Variants in RABGAP1L observed in about 807,000 individuals in gnomAD.
The protein encoded by RABGAP1L is RAB GTPase activating protein 1 like, also known as rab GTPase-activating protein 1-like.
A neutral mutation model predicts 137.7 loss-of-function variants in RABGAP1L; 63 were observed. That is an observed-to-expected ratio of 0.46 (90% confidence interval 0.37 to 0.56). The LOEUF is 0.56. RABGAP1L is among the 20% of genes least tolerant of loss of function. The pLI is 0.00. For synonymous variants in RABGAP1L, 431 were observed against 433.7 expected (o/e 0.99, Z 0.08); for missense variants, 1,095 against 1,244.0 (o/e 0.88, Z 1.80).
chr1:174,693,438 A>C (rs1679017994), intron 15 of RABGAP1L, among the ~76,000 whole-genome samples: 1 of 152,240 alleles, frequency 6.6e-6, no homozygotes, highest in Admixed American at 6.5e-5. Context: ...AAAAGTAATA[A>C]GTACTCAAAA....
intron 13 of RABGAP1L, among the ~76,000 whole-genome samples, chr1:174,456,307 A>G (rs763084740): frequency 1.3e-5 from 2 of 152,116 alleles, no homozygotes; most frequent in African/African-American, 4.8e-5. Flanking sequence ...TGAGATATGT[A>G]GAATAAATTG....
At chr1:174,953,231 G>A (rs1264040555) in intron 19 of RABGAP1L, among the ~76,000 whole-genome samples, 1 of 152,120 alleles carries the variant, frequency 6.6e-6, no homozygotes, top group Non-Finnish European at 1.5e-5. Flanking sequence ...GTCTGAAAGA[G>A]TCATATATAC....
In RABGAP1L at chr1:174,555,499, G is replaced by A. The variant is rs1350754633; in HGVS notation, c.1711-81876G>A. 7.9e-5 allele frequency among the ~76,000 whole-genome samples: 12 copies of A among 151,812 alleles called. No homozygotes were observed. In the East Asian group the frequency reaches 1.5e-3, roughly 20 times the overall value. On this transcript the variant is annotated intron_variant, in intron 13 of 25. Transcript: ENST00000681986. ...AGGATTCATTCAACAAACATTTGTC[G>A]AGCATTTATTATGTAACAAGAAAAA...
At chr1:174,661,183 C>G (rs1465036279) in intron 14 of RABGAP1L, among the ~76,000 whole-genome samples, 2 of 152,172 alleles carry the variant, frequency 1.3e-5, no homozygotes, top group African/African-American at 4.8e-5. Context: ...AAAGTACTAT[C>G]AACTAGTTAC....
At chr1:174,375,221 C>A (rs1263647681) in intron 12 of RABGAP1L, among the ~76,000 whole-genome samples, 1 of 151,432 alleles carries the variant, frequency 6.6e-6, no homozygotes, top group Non-Finnish European at 1.5e-5. Flanking sequence ...TTCTTTTTTG[C>A]CTTTGCATGC....
At chr1:174,892,469 C>T in intron 19 of RABGAP1L, 2 of 456,742 alleles carry the variant, frequency 4.4e-6, no homozygotes, top group Admixed American at 2.7e-5. Flanking sequence ...CCAGCTTTTT[C>T]ACCTTCCAGC....
At chr1:174,879,962 G>A (rs573635659) in intron 19 of RABGAP1L, among the ~76,000 whole-genome samples, 14 of 151,318 alleles carry the variant, frequency 9.3e-5, no homozygotes, top group South Asian at 2.1e-4. Context: ...GCATAGTGGC[G>A]CATGCCCATA....
chr1:174,565,883 C>CTTTTTTT (rs1557854563), intron 13 of RABGAP1L, among the ~76,000 whole-genome samples: 2 of 133,184 alleles, frequency 1.5e-5, no homozygotes, highest in Non-Finnish European at 1.6e-5. Flanking sequence ...GAATCCTTTA[C>CTTTTTTT]ATTTTTTTTT....
chr1:174,721,430 T>G (rs1184790639), intron 17 of RABGAP1L, among the ~76,000 whole-genome samples: 2 of 152,180 alleles, frequency 1.3e-5, no homozygotes, highest in East Asian at 1.9e-4. Flanking sequence ...GTGTTTATTT[T>G]GGGGATGAAA....
chr1:174,175,147 G>C (rs1425358707), intron 1 of RABGAP1L, among the ~76,000 whole-genome samples: 1 of 98,216 alleles, frequency 1.0e-5, no homozygotes, highest in Non-Finnish European at 1.8e-5. Context: ...TAATTTTCTT[G>C]TATATGACAC....
In RABGAP1L at chr1:174,578,025, G is replaced by C. The variant is rs138701825; in HGVS notation, c.1711-59350G>C. On this transcript the variant is annotated intron_variant, in intron 13 of 25. Transcript: ENST00000681986. ...CATTGTCTAATTGGAAATAGCTTAA[G>C]TACTGGGAACACCATTCTTTTATAT... Among the ~76,000 whole-genome samples, 120 of 152,282 alleles carry C rather than the reference G, an allele frequency of 7.9e-4. 2 individuals are homozygous for C. The East Asian group carries it at 0.018, about 23-fold the overall frequency.
chr1:174,562,583 T>C (rs1181698078), intron 13 of RABGAP1L, among the ~76,000 whole-genome samples: 4 of 152,212 alleles, frequency 2.6e-5, no homozygotes, highest in Non-Finnish European at 5.9e-5. Flanking sequence ...CTATTCGCAA[T>C]AGCAAAGACT....
chr1:174,800,252 C>G (rs993746261), intron 18 of RABGAP1L: 15 of 1,465,822 alleles, frequency 1.0e-5, no homozygotes, highest in Non-Finnish European at 1.3e-5. Context: ...GAGACCTAAA[C>G]CTGGCTCCCC....
chr1:174,354,126 A>G (rs952216809), intron 11 of RABGAP1L, among the ~76,000 whole-genome samples: 6 of 152,136 alleles, frequency 3.9e-5, no homozygotes, highest in Admixed American at 1.3e-4. Context: ...GCCCAGTTAG[A>G]GATGGGCTCT....
rs367607972 is a variant in RABGAP1L, at chr1:174,701,513, G to A, written c.2026-600G>A. Among the ~76,000 whole-genome samples the A allele has an allele frequency of 2.5e-4, 38 of 152,124 alleles. No individual in the cohort carries two copies. The South Asian group carries it at 6.9e-3, about 27-fold the overall frequency. ...TCCCAGCACTTTGGGAGGCCAAGTC[G>A]GGCAGATCACTTGAGGTCAGGAGTT... On this transcript the variant is annotated intron_variant, in intron 16 of 25. Coordinates refer to ENST00000681986, the MANE Select transcript of RABGAP1L (RefSeq NM_001366446.1).
At chr1:174,444,237 C>T (rs186915782) in intron 13 of RABGAP1L, among the ~76,000 whole-genome samples, 2 of 151,706 alleles carry the variant, frequency 1.3e-5, no homozygotes, top group Admixed American at 1.3e-4. Flanking sequence ...AAAGGGATTA[C>T]ATTAAATCTG....
chr1:174,613,870 G>C (rs1291048047), intron 13 of RABGAP1L, among the ~76,000 whole-genome samples: 1 of 152,038 alleles, frequency 6.6e-6, no homozygotes, highest in East Asian at 1.9e-4. Context: ...TCAGAGACTA[G>C]GATTGCAACC....
intron 13 of RABGAP1L, among the ~76,000 whole-genome samples, chr1:174,518,633 G>A (rs1663081310): frequency 6.6e-6 from 1 of 152,136 alleles, no homozygotes; most frequent in South Asian, 2.1e-4. Flanking sequence ...GTACAGCCAT[G>A]TTGTACAGTT....
At chr1:174,297,259 C>T (rs930720623) in intron 10 of RABGAP1L, among the ~76,000 whole-genome samples, 7 of 152,144 alleles carry the variant, frequency 4.6e-5, no homozygotes, top group Non-Finnish European at 5.9e-5. Flanking sequence ...CAGCTAAAGA[C>T]GGGGTCCTTG....
Sources: gnomAD v4.1 joint callset for allele counts (sites outside exome capture counted in the v4.1 genomes callset) on GRCh38, gnomAD v4.1.1 for gene constraint, MANE v1.5 for transcripts, NCBI Gene and HGNC (gene_info 2026-07-23, HGNC 2026-07-21) for gene names.